The following TMEM132C variants were observed in gnomAD, a reference collection of about 807,000 sequenced individuals.
TMEM132C encodes protein phosphatase 1, regulatory subunit 152.
A neutral mutation model predicts 61.4 loss-of-function variants in TMEM132C; 29 were observed. The observed-to-expected ratio is 0.47, with a 90% CI of 0.35 to 0.64. The LOEUF (loss-of-function observed/expected upper bound fraction) is 0.64, where lower values mean the gene tolerates loss of function less well. Among genes scored for constraint, TMEM132C ranks in the 30% least tolerant of loss-of-function variants. The probability of loss-of-function intolerance (pLI) is 0.00; values close to 1 mark genes in which losing one functional copy is unlikely to be tolerated. For synonymous variants in TMEM132C, 656 were observed against 633.1 expected (o/e 1.04, Z -0.54); for missense variants, 1,408 against 1,476.9 (o/e 0.95, Z 0.76).
intron 2 of TMEM132C, among the ~76,000 whole-genome samples, chr12:128,523,640 C>T (rs1021926663): frequency 6.6e-6 from 1 of 151,918 alleles, no homozygotes; most frequent in Non-Finnish European, 1.5e-5. Flanking sequence ...TTTAATGACC[C>T]TTGAAAAGGG....
chr12:128,703,814 GT>G (rs1954818811), intron 8 of TMEM132C, among the ~76,000 whole-genome samples: 1 of 152,244 alleles, frequency 6.6e-6, no homozygotes, highest in Admixed American at 6.5e-5. Flanking sequence ...GAGAAAATGC[GT>G]TCTGTAATAA....
rs112736849 is a variant in TMEM132C, at chr12:128,481,163, G to A, written c.975-62794G>A. ...GCCTGAATGTATCATTGCCAGAGTC[G>A]GGCCTGTATTTCCACCAGCCTAGTA... is the stretch of plus-strand genomic sequence containing the variant. On this transcript the variant is annotated intron_variant, in intron 2 of 8. Coordinates refer to ENST00000435159, the MANE Select transcript of TMEM132C (RefSeq NM_001136103.3). 9.2e-5 allele frequency among the ~76,000 whole-genome samples: 14 copies of A among 152,268 alleles called. 1 individual carries two copies. The highest frequency in any genetic ancestry group is 1.2e-4 in the African/African-American group (5 of 41,540).
intron 1 of TMEM132C, among the ~76,000 whole-genome samples, chr12:128,341,312 T>C (rs575261647): frequency 3.9e-5 from 6 of 152,316 alleles, no homozygotes; most frequent in South Asian, 4.1e-4. Context: ...GGGAATACAT[T>C]TGTTATTTTT....
At chr12:128,526,543 A>G (rs991040172) in intron 2 of TMEM132C, among the ~76,000 whole-genome samples, 4 of 152,256 alleles carry the variant, frequency 2.6e-5, no homozygotes, top group African/African-American at 9.6e-5. Flanking sequence ...TGATGCAAAC[A>G]TTCCGACTAT....
Position 128,693,787 on chromosome 12 carries a change from C to G in TMEM132C, c.1450-42C>G, listed in dbSNP as rs201371766. Reference sequence around the variant, plus strand: ...CAAAAAAAGGATTGTCTCCAAGGCTCCATGAACTTCTCCTCCATCCTTTCT... The same window carrying G: ...CAAAAAAAGGATTGTCTCCAAGGCTGCATGAACTTCTCCTCCATCCTTTCT... On this transcript the variant is annotated intron_variant, in intron 5 of 8. Coordinates refer to ENST00000435159, the MANE Select transcript of TMEM132C (RefSeq NM_001136103.3). 8.6e-5 allele frequency: 133 copies of G among 1,546,474 alleles called. No homozygotes were observed. The East Asian group carries it at 2.0e-3, about 23-fold the overall frequency.
chr12:128,598,397 C>T (rs973291466), intron 3 of TMEM132C, among the ~76,000 whole-genome samples: 1 of 152,122 alleles, frequency 6.6e-6, no homozygotes, highest in Non-Finnish European at 1.5e-5. Context: ...GATCAGGCCC[C>T]TGCACTCCAG....
At chr12:128,559,843 T>C (rs1874452876) in intron 3 of TMEM132C, among the ~76,000 whole-genome samples, 2 of 152,240 alleles carry the variant, frequency 1.3e-5, no homozygotes, top group Non-Finnish European at 2.9e-5. Flanking sequence ...ATGTGCAGGC[T>C]GTACCTTGTG....
intron 1 of TMEM132C, among the ~76,000 whole-genome samples, chr12:128,295,326 C>T (rs1198392879): frequency 2.6e-5 from 4 of 152,178 alleles, no homozygotes; most frequent in Non-Finnish European, 4.4e-5. Context: ...TGTGAGTCAA[C>T]ACACCCAGTC....
In TMEM132C at chr12:128,669,545, C is replaced by G; in HGVS notation, c.1434C>G (p.Asp478Glu). Reference sequence around the variant, plus strand: ...AGTCGGTGGAGTGCAAGTCCACAGACGAGGACGTTATCAAAGTAAGTCATT... The same window carrying G: ...AGTCGGTGGAGTGCAAGTCCACAGAGGAGGACGTTATCAAAGTAAGTCATT... ...ISESVECKST[D>E]EDVIKVSERC... Residue 478 changes from aspartate to glutamate, a missense_variant, in exon 5 of 9, where the codon GAC (aspartate) becomes GAG (glutamate). Coordinates refer to ENST00000435159, the MANE Select transcript of TMEM132C (RefSeq NM_001136103.3). The G allele has an allele frequency of 6.4e-7, 1 of 1,551,266 alleles. No homozygotes were observed. Among genetic ancestry groups the G allele is most frequent in the Non-Finnish European group, 8.7e-7 (1 of 1,146,796 alleles).
At chr12:128,336,532 T>C (rs1374018544) in intron 1 of TMEM132C, among the ~76,000 whole-genome samples, 1 of 152,244 alleles carries the variant, frequency 6.6e-6, no homozygotes, top group Non-Finnish European at 1.5e-5. Flanking sequence ...TCATTCCTTT[T>C]ATTTTATAAG....
At chr12:128,526,121 A>G (rs1179438581) in intron 2 of TMEM132C, among the ~76,000 whole-genome samples, 3 of 151,876 alleles carry the variant, frequency 2.0e-5, no homozygotes, top group Non-Finnish European at 2.9e-5. Flanking sequence ...ACCAACAAAT[A>G]TTTTGAGTGT....
intron 1 of TMEM132C, among the ~76,000 whole-genome samples, chr12:128,302,339 G>A (rs939821297): frequency 6.6e-6 from 1 of 152,158 alleles, no homozygotes; most frequent in Admixed American, 6.5e-5. Flanking sequence ...TCAAATATGG[G>A]TAAATATATT....
chr12:128,492,389 T>C (rs1593072926), intron 2 of TMEM132C, among the ~76,000 whole-genome samples: 5 of 152,352 alleles, frequency 3.3e-5, no homozygotes, highest in Admixed American at 1.3e-4. Context: ...CTGGGTCAAA[T>C]GGTATTTCTA....
rs138262418 is a variant in TMEM132C at position 128,270,272 on chromosome 12, A to G, written c.85+2785A>G. The stretch of plus-strand genomic sequence containing the variant: ...TATTTCAAGATTTAGAATTACTGAT[A>G]TCTTTGAATGACAAGATAGAAGGAA... On this transcript the variant is annotated intron_variant, in intron 1 of 8. Transcript: ENST00000435159. Among the ~76,000 whole-genome samples, 5 of 152,326 alleles carry G rather than the reference A, an allele frequency of 3.3e-5. No individual in the cohort carries two copies. The East Asian group carries it at 9.6e-4, about 29-fold the overall frequency.
intron 4 of TMEM132C, among the ~76,000 whole-genome samples, chr12:128,640,619 G>A (rs1954150448): frequency 1.3e-5 from 2 of 152,216 alleles, no homozygotes; most frequent in African/African-American, 4.8e-5. Context: ...GAGTGAGCCA[G>A]GCTCAGTGGT....
intron 2 of TMEM132C, among the ~76,000 whole-genome samples, chr12:128,542,800 G>T (rs1221638964): frequency 2.1e-5 from 3 of 142,340 alleles, no homozygotes; most frequent in Non-Finnish European, 4.5e-5. Flanking sequence ...GGCGGAGGTT[G>T]CAATGAGCCA....
intron 1 of TMEM132C, among the ~76,000 whole-genome samples, chr12:128,398,621 C>T (rs1370834900): frequency 6.6e-6 from 1 of 152,206 alleles, no homozygotes; most frequent in East Asian, 1.9e-4. Flanking sequence ...ATCCTGAGTT[C>T]AAATTCTGAT....
At position 128,705,920 on chromosome 12, in the gene TMEM132C, G is replaced by A. The variant is rs887895284; in HGVS notation, c.2952G>A (p.Met984Ile). ...ATGAGGCCGAACTCCTGGAGAGCAT[G>A]GGGGATGCGCCGCCGCCCCAGGACG... ...LGNEAELLES[M>I]GDAPPPQDEH... Residue 984 changes from methionine to isoleucine, a missense_variant, in exon 9 of 9, where the codon ATG becomes ATA. Physicochemically the swap from Met to Ile is conservative, Grantham distance 10. Coordinates refer to ENST00000435159, the MANE Select transcript of TMEM132C (RefSeq NM_001136103.3). 1.3e-6 allele frequency: 2 copies of A among 1,551,310 alleles called. No homozygotes were observed. Among genetic ancestry groups the A allele is most frequent in the African/African-American group, 1.4e-5 (1 of 73,022 alleles).
At chr12:128,301,872 A>G (rs1020535126) in intron 1 of TMEM132C, among the ~76,000 whole-genome samples, 2 of 152,230 alleles carry the variant, frequency 1.3e-5, no homozygotes, top group African/African-American at 4.8e-5. Context: ...CCTCACAATC[A>G]TGGCGGAAGG....
Sources: gnomAD v4.1 joint callset for allele counts (sites outside exome capture counted in the v4.1 genomes callset) on GRCh38, gnomAD v4.1.1 for gene constraint, MANE v1.5 for transcripts, NCBI Gene and HGNC (gene_info 2026-07-23, HGNC 2026-07-21) for gene names.